Variants in NRXN3 observed in about 807,000 individuals in gnomAD.
NRXN3 encodes the protein neurexin 3, also known as neurexin III.
In NRXN3, 32 loss-of-function variants were observed where a neutral mutation model predicts 137.6. The observed-to-expected ratio is 0.23, with a 90% CI of 0.18 to 0.31. The LOEUF (loss-of-function observed/expected upper bound fraction) is 0.31. Among genes scored for constraint, NRXN3 ranks in the 10% least tolerant of loss-of-function variants. The pLI is 1.00. For synonymous variants in NRXN3, 798 were observed against 784.5 expected (o/e 1.02, Z -0.29); for missense variants, 1,574 against 2,062.5 (o/e 0.76, Z 4.59).
chr14:79,604,672 A>G (rs2097978349), intron 16 of NRXN3, among the ~76,000 whole-genome samples: 1 of 152,326 alleles, frequency 6.6e-6, no homozygotes, highest in Non-Finnish European at 1.5e-5. Context: ...TTGTATAAGA[A>G]GATAAAAAGC....
intron 15 of NRXN3, among the ~76,000 whole-genome samples, chr14:79,378,529 A>G (rs576227589): frequency 6.6e-6 from 1 of 152,330 alleles, no homozygotes; most frequent in Non-Finnish European, 1.5e-5. Context: ...TGCAGATAGA[A>G]GAGTCGGAAG....
intron 15 of NRXN3, among the ~76,000 whole-genome samples, chr14:79,359,046 C>T (rs1338574048): frequency 1.3e-5 from 2 of 152,112 alleles, no homozygotes; most frequent in Non-Finnish European, 2.9e-5. Context: ...TAAATAACTA[C>T]ATATGTTTGC....
intron 15 of NRXN3, among the ~76,000 whole-genome samples, chr14:79,109,729 T>C (rs1167163766): frequency 6.6e-6 from 1 of 152,146 alleles, no homozygotes; most frequent in Admixed American, 6.6e-5. Context: ...TTAAATTATG[T>C]AGCCTCAGCT....
intron 15 of NRXN3, among the ~76,000 whole-genome samples, chr14:79,140,383 G>A (rs948238921): frequency 2.6e-4 from 39 of 152,034 alleles, no homozygotes; most frequent in African/African-American, 6.8e-4. Context: ...TTTTCTTGCC[G>A]TTTGTGAGCA....
At chr14:78,981,334 C>A (rs750123588) in intron 14 of NRXN3, among the ~76,000 whole-genome samples, 1 of 152,156 alleles carries the variant, frequency 6.6e-6, no homozygotes, top group African/African-American at 2.4e-5. Flanking sequence ...TCCAATGACA[C>A]CACACATGCA....
intron 10 of NRXN3, among the ~76,000 whole-genome samples, chr14:78,945,562 C>T (rs928331037): frequency 4.6e-5 from 7 of 152,104 alleles, no homozygotes; most frequent in East Asian, 1.9e-4. Context: ...CAAAATGGAA[C>T]GAGGCTACCC....
chr14:78,656,800 T>C (rs943299482), intron 6 of NRXN3, among the ~76,000 whole-genome samples: 1 of 151,912 alleles, frequency 6.6e-6, no homozygotes, highest in African/African-American at 2.4e-5. Flanking sequence ...TCCCAGAACT[T>C]TGGGAGGCCA....
At chr14:78,632,113 CAAA>C (rs58767974) in intron 4 of NRXN3, among the ~76,000 whole-genome samples, 24 of 75,040 alleles carry the variant, frequency 3.2e-4, no homozygotes, top group South Asian at 1.0e-3. Flanking sequence ...GACTCCGTCT[CAAA>C]AAAAAAAAAA....
intron 4 of NRXN3, among the ~76,000 whole-genome samples, chr14:78,642,355 A>G (rs745593178): frequency 6.6e-6 from 1 of 152,210 alleles, no homozygotes; most frequent in Non-Finnish European, 1.5e-5. Context: ...TATTATTTTG[A>G]CAGACTCCTT....
intron 4 of NRXN3, among the ~76,000 whole-genome samples, chr14:78,589,425 C>A (rs1008761711): frequency 6.6e-6 from 1 of 152,144 alleles, no homozygotes; most frequent in African/African-American, 2.4e-5. Context: ...AAGGGCTAAC[C>A]CGGTTCATTT....
intron 19 of NRXN3, among the ~76,000 whole-genome samples, chr14:79,797,147 T>C (rs948687531): frequency 1.3e-5 from 2 of 152,166 alleles, no homozygotes; most frequent in African/African-American, 4.8e-5. Flanking sequence ...ATTCAGAATA[T>C]TTTTTTAATT....
chr14:79,526,965 A>G (rs2097125973), intron 16 of NRXN3, among the ~76,000 whole-genome samples: 1 of 152,200 alleles, frequency 6.6e-6, no homozygotes, highest in Admixed American at 6.5e-5. Context: ...AAGGCAATAC[A>G]AAGTTAATTA....
At chr14:78,639,332 T>A (rs1024563043) in intron 4 of NRXN3, among the ~76,000 whole-genome samples, 6 of 152,210 alleles carry the variant, frequency 3.9e-5, no homozygotes, top group Non-Finnish European at 7.3e-5. Context: ...AATTTCGCTG[T>A]GTCTCTGAGG....
intron 15 of NRXN3, among the ~76,000 whole-genome samples, chr14:79,342,030 C>G (rs2092635711): frequency 1.3e-5 from 2 of 152,272 alleles, no homozygotes; most frequent in South Asian, 4.1e-4. Context: ...TTTGTCTAGA[C>G]CTAATGCATA....
intron 10 of NRXN3, among the ~76,000 whole-genome samples, chr14:78,845,819 C>T (rs183609997): frequency 8.6e-5 from 13 of 151,656 alleles, no homozygotes; most frequent in South Asian, 2.1e-4. Context: ...ATTTTCATAT[C>T]TTCATATGTT....
At chr14:78,857,057 T>C (rs2099059376) in intron 10 of NRXN3, among the ~76,000 whole-genome samples, 1 of 152,132 alleles carries the variant, frequency 6.6e-6, no homozygotes, top group Admixed American at 6.6e-5. Context: ...TATTTTTTTA[T>C]CCCATGGTTA....
At chr14:78,911,077 A>C (rs1424862750) in intron 10 of NRXN3, among the ~76,000 whole-genome samples, 1 of 152,210 alleles carries the variant, frequency 6.6e-6, no homozygotes, top group African/African-American at 2.4e-5. Context: ...TTTTATGGTA[A>C]CAATAACATT....
At chr14:79,307,081 T>G (rs1471869867) in intron 15 of NRXN3, among the ~76,000 whole-genome samples, 1 of 152,094 alleles carries the variant, frequency 6.6e-6, no homozygotes, top group African/African-American at 2.4e-5. Flanking sequence ...TTCTTTCACC[T>G]CCCTAATTAG....
intron 10 of NRXN3, among the ~76,000 whole-genome samples, chr14:78,831,098 T>G (rs906206254): frequency 1.1e-4 from 16 of 152,184 alleles, no homozygotes; most frequent in Admixed American, 3.9e-4. Context: ...TGCTACATTC[T>G]TATAGAACAA....
Sources: gnomAD v4.1 joint callset for allele counts (sites outside exome capture counted in the v4.1 genomes callset) on GRCh38, gnomAD v4.1.1 for gene constraint, MANE v1.5 for transcripts, NCBI Gene and HGNC (gene_info 2026-07-23, HGNC 2026-07-21) for gene names.